Variants in INPP5D observed in about 807,000 individuals in gnomAD.
The protein encoded by INPP5D is phosphatidylinositol 3,4,5-trisphosphate 5-phosphatase 1.
In INPP5D, 33 loss-of-function variants were observed where a neutral mutation model predicts 122.9. The ratio of observed to expected loss-of-function variants is 0.27; its 90% CI spans 0.20 to 0.36. The LOEUF (loss-of-function observed/expected upper bound fraction) is 0.36. Ranked by LOEUF, INPP5D falls within the 10% of genes least tolerant of loss-of-function variation. The pLI is 1.00. For synonymous variants in INPP5D, 584 were observed against 576.2 expected (o/e 1.01, Z -0.19); for missense variants, 1,053 against 1,412.7 (o/e 0.75, Z 4.08).
intron 8 of INPP5D, among the ~76,000 whole-genome samples, 172 bp downstream of exon 8, chr2:233,146,610 G>A (rs746644617): frequency 1.3e-5 from 2 of 152,214 alleles, no homozygotes; most frequent in African/African-American, 2.4e-5. Context: ...GCGGTTCAAC[G>A]TCAGAACGGG....
At chr2:233,130,721 C>A in intron 5 of INPP5D, 73 bp downstream of exon 5, 1 of 1,475,796 alleles carries the variant, frequency 6.8e-7, no homozygotes, top group Non-Finnish European at 9.4e-7. Context: ...TGAGAGCGAC[C>A]TCTGCCTCTG....
At chr2:233,084,477 T>A (rs1036795210) in intron 2 of INPP5D, among the ~76,000 whole-genome samples, 6 of 152,138 alleles carry the variant, frequency 3.9e-5, no homozygotes, top group African/African-American at 1.2e-4. Context: ...TTCCGGTGAG[T>A]TCTAAAGAAG....
At chr2:233,141,863 G>A (rs1189735929) in intron 6 of INPP5D, among the ~76,000 whole-genome samples, 1 of 152,172 alleles carries the variant, frequency 6.6e-6, no homozygotes, top group East Asian at 1.9e-4. Flanking sequence ...TTTTGAGTTT[G>A]CCCACATTGT....
In INPP5D at chr2:233,193,964, A is replaced by G. The variant is rs1368851344; in HGVS notation, c.2596+3A>G. The G allele has an allele frequency of 6.3e-7, 1 of 1,592,934 alleles. No individual in the cohort carries two copies. The highest frequency in any genetic ancestry group is 2.3e-5 in the East Asian group (1 of 44,428). On this transcript the variant is annotated splice_donor_region_variant and intron_variant, in intron 23 of 26. Coordinates refer to ENST00000445964, the MANE Select transcript of INPP5D (RefSeq NM_001017915.3). Reference sequence around the variant, plus strand: ...CAAGACGAGGGAGAAGCTCTATGGTAAGCAGCAAGCCCCTCCCCAGCGCCC... The same window carrying G: ...CAAGACGAGGGAGAAGCTCTATGGTGAGCAGCAAGCCCCTCCCCAGCGCCC...
intron 19 of INPP5D, 116 bp from the exon 20 acceptor site, chr2:233,184,292 A>C: frequency 7.1e-7 from 1 of 1,412,222 alleles, no homozygotes; most frequent in Non-Finnish European, 9.5e-7. Context: ...CTCCCACTAG[A>C]CTCCCACCTT....
chr2:233,160,282 C>G lies in INPP5D; in HGVS notation c.1138-1442C>G, dbSNP rs1280260292. On this transcript the variant is annotated intron_variant, in intron 10 of 26. Coordinates refer to ENST00000445964, the MANE Select transcript of INPP5D (RefSeq NM_001017915.3). This position sits in a 1 kb window ranked among gnomAD's most constrained non-coding sequence, Gnocchi z 4.2. ...CACTGGTCATGTCATATGTTACACC[C>G]TGAAATTTGTGTACTTTGTTAAAGT... is the stretch of plus-strand genomic sequence containing the variant. Among the ~76,000 whole-genome samples, 1 of 152,180 alleles carries G rather than the reference C, an allele frequency of 6.6e-6. No homozygotes were observed. Among genetic ancestry groups the G allele is most frequent in the African/African-American group, 2.4e-5 (1 of 41,442 alleles).
Position 233,204,272 on chromosome 2 carries a change from A to C in INPP5D, c.3122A>C (p.Lys1041Thr). Residue 1041 changes from lysine (K) to threonine (T), a missense_variant, in exon 26 of 27, where the codon AAA (lysine) becomes ACA (threonine). Around this residue, in one of 6 missense-constraint regions of INPP5D, gnomAD observed 417 missense variants for 425.8 expected, o/e 0.98. Coordinates refer to ENST00000445964, the MANE Select transcript of INPP5D (RefSeq NM_001017915.3). ...CCCAGGAAGGACCAGGAATCCCCCA[A>C]AATGCCGCGGAAGGAACCCCCGCCC... ...PAPRKDQESPKMPRKEPPPCP... is the reference protein window; with the variant it reads ...PAPRKDQESPTMPRKEPPPCP... 1 of 1,613,478 alleles carries C rather than the reference A, an allele frequency of 6.2e-7. No homozygotes were observed. Among genetic ancestry groups the C allele is most frequent in the Non-Finnish European group, 8.5e-7 (1 of 1,179,842 alleles).
intron 5 of INPP5D, among the ~76,000 whole-genome samples, chr2:233,136,342 G>T (rs1693463039): frequency 6.6e-6 from 1 of 152,118 alleles, no homozygotes; most frequent in African/African-American, 2.4e-5. Flanking sequence ...AGCTGAATGT[G>T]GTGTTGCACA....
In INPP5D at chr2:233,176,315, C is replaced by CGATGGATGGATG. The variant is rs1009641728; in HGVS notation, c.1990-918_1990-907dup. The stretch of plus-strand genomic sequence containing the variant: ...CGGTCAATGGATGAGTGGATGGGTG[C>CGATGGATGGATG]GATGGATGGATGGATGGATGGATGG... On this transcript the variant is annotated intron_variant, in intron 17 of 26. Coordinates refer to ENST00000445964, the MANE Select transcript of INPP5D (RefSeq NM_001017915.3). 1.8e-3 allele frequency among the ~76,000 whole-genome samples: 38 copies of CGATGGATGGATG among 20,666 alleles called. 1 individual carries two copies. Among genetic ancestry groups the CGATGGATGGATG allele is most frequent in the South Asian group, 4.8e-3 (1 of 210 alleles). 13.6% of individuals were successfully genotyped at this position (20,666 alleles called of 152,430 possible).
At chr2:233,171,937 A>G (rs531489364) in intron 17 of INPP5D, among the ~76,000 whole-genome samples, 1 of 152,360 alleles carries the variant, frequency 6.6e-6, no homozygotes, top group African/African-American at 2.4e-5. Context: ...CGCAAGTTCA[A>G]AGTGTCATCT....
intron 17 of INPP5D, among the ~76,000 whole-genome samples, chr2:233,176,315 C>CTATG (rs1291029845): frequency 4.8e-5 from 1 of 20,646 alleles, no homozygotes; most frequent in Non-Finnish European, 1.8e-4. Flanking sequence ...TGGATGGGTG[C>CTATG]GATGGATGGA....
intron 1 of INPP5D, among the ~76,000 whole-genome samples, chr2:233,069,889 C>G (rs1319454830): frequency 6.6e-6 from 1 of 152,136 alleles, no homozygotes; most frequent in Non-Finnish European, 1.5e-5. Flanking sequence ...GTTTTTAAGG[C>G]TCTTGATACA....
chr2:233,134,028 G>A (rs1559311090), intron 5 of INPP5D: 1 of 456,090 alleles, frequency 2.2e-6, no homozygotes, highest in Middle Eastern at 3.3e-4. Context: ...CATGGCAAAG[G>A]TGTCAGATTT....
At chr2:233,155,587 C>G (rs1694028585) in intron 9 of INPP5D, among the ~76,000 whole-genome samples, 1 of 151,952 alleles carries the variant, frequency 6.6e-6, no homozygotes, top group African/African-American at 2.4e-5. Flanking sequence ...CACGACTGCA[C>G]TCCAGCCTGG....
Position 233,088,867 on chromosome 2 carries a change from T to G in INPP5D, c.198+9469T>G, listed in dbSNP as rs527912086. Among the ~76,000 whole-genome samples, 79 of 152,188 alleles carry G rather than the reference T, an allele frequency of 5.2e-4. 1 individual carries two copies. The highest frequency in any genetic ancestry group is 1.8e-3 in the African/African-American group (73 of 41,536). On this transcript the variant is annotated intron_variant, in intron 2 of 26. Coordinates refer to ENST00000445964, the MANE Select transcript of INPP5D (RefSeq NM_001017915.3). ...GACAGCAAGGCCATCCAAAGGGGCCTTGGAGAGGAGGACAAGTGCCTGGAA... is the reference window on the plus strand; with the variant it reads ...GACAGCAAGGCCATCCAAAGGGGCCGTGGAGAGGAGGACAAGTGCCTGGAA...
Position 233,164,453 on chromosome 2 carries a change from C to A in INPP5D, c.1555+29C>A. The A allele has an allele frequency of 6.6e-7, 1 of 1,522,526 alleles. No homozygotes were observed. Among genetic ancestry groups the A allele is most frequent in the South Asian group, 1.2e-5 (1 of 81,366 alleles). The allele number at this position is 1,522,526 out of a possible 1,614,324, so 94.3% of individuals were successfully genotyped here. On this transcript the variant is annotated intron_variant, in intron 13 of 26. Coordinates refer to ENST00000445964, the MANE Select transcript of INPP5D (RefSeq NM_001017915.3). This position sits in a 1 kb window ranked among gnomAD's most constrained non-coding sequence, Gnocchi z 4.3. Reference sequence around the variant, plus strand: ...AGCAGGGCGGGGACCCTGTGTTCCTCCCACACCCTCTGCCTCAACTCTCGC... The same window carrying A: ...AGCAGGGCGGGGACCCTGTGTTCCTACCACACCCTCTGCCTCAACTCTCGC...
At chr2:233,165,796 G>T (rs2106297610) in intron 13 of INPP5D, among the ~76,000 whole-genome samples, 1 of 152,204 alleles carries the variant, frequency 6.6e-6, no homozygotes, top group Non-Finnish European at 1.5e-5. Flanking sequence ...GTCTAGGTAT[G>T]TGAGGGTGGG....
chr2:233,083,137 T>C (rs139316292), intron 2 of INPP5D, among the ~76,000 whole-genome samples: 2 of 152,352 alleles, frequency 1.3e-5, no homozygotes, highest in East Asian at 3.8e-4. Flanking sequence ...TGGTCAGCGA[T>C]GTGGCCTTGG....
Position 233,078,415 on chromosome 2 carries a change from T to G in INPP5D, c.135-920T>G, listed in dbSNP as rs911151844. Among the ~76,000 whole-genome samples the G allele has an allele frequency of 1.3e-5, 2 of 152,166 alleles. No homozygotes were observed. The highest frequency in any genetic ancestry group is 2.9e-5 in the Non-Finnish European group (2 of 68,018). On this transcript the variant is annotated intron_variant, in intron 1 of 26. Coordinates refer to ENST00000445964, the MANE Select transcript of INPP5D (RefSeq NM_001017915.3). The surrounding 1 kb of genome is among the most constrained non-coding windows in gnomAD (Gnocchi z 4.6). ...TGTTAGAAACAACCCCAAGACTTGC[T>G]CTCCAGCTGCTGGGGCAAATCCAGG...
Sources: gnomAD v4.1 joint callset for allele counts (sites outside exome capture counted in the v4.1 genomes callset) on GRCh38, gnomAD v4.1.1 for gene constraint, gnomAD v4.1.1 regional missense constraint, Gnocchi (gnomAD v3.1) non-coding constraint, MANE v1.5 for transcripts, NCBI Gene and HGNC (gene_info 2026-07-23, HGNC 2026-07-21) for gene names.